The following BCL7C variants were observed in gnomAD, a reference collection of about 807,000 sequenced individuals.
The protein encoded by BCL7C is BAF chromatin remodeling complex subunit BCL7C.
Under a neutral mutation model 26.2 loss-of-function variants are expected in BCL7C, and 8 were observed. The ratio of observed to expected loss-of-function variants is 0.30; its 90% CI spans 0.18 to 0.55. BCL7C has a LOEUF of 0.55. BCL7C is among the 20% of genes least tolerant of loss of function. The probability of loss-of-function intolerance (pLI) is 0.93; values close to 1 mark genes in which losing one functional copy is unlikely to be tolerated. For synonymous variants in BCL7C, 90 were observed against 116.5 expected, an observed-to-expected ratio of 0.77 and a Z score of 1.47; for missense variants, 262 against 298.5, an observed-to-expected ratio of 0.88 and a Z score of 0.90.
chr16:30,879,700 A>AAAAACAAAAAAAAC (rs1555482423), intron 5 of BCL7C, among the ~76,000 whole-genome samples: 5 of 135,004 alleles, frequency 3.7e-5, no homozygotes, highest in Admixed American at 7.6e-5. Flanking sequence ...AAAAAAAAAA[A>AAAAACAAAAAAAAC]AAAAAAAAAC....
intron 5 of BCL7C, among the ~76,000 whole-genome samples, chr16:30,881,849 C>G (rs753469312): frequency 2.6e-5 from 4 of 152,226 alleles, no homozygotes; most frequent in Non-Finnish European, 4.4e-5. Flanking sequence ...AAATCACACC[C>G]TGCTCTCTCC....
chr16:30,882,808 A>G (rs1287569793), downstream of BCL7C, among the ~76,000 whole-genome samples: 1 of 152,214 alleles, frequency 6.6e-6, no homozygotes, highest in Non-Finnish European at 1.5e-5. Flanking sequence ...GCTGGCACCT[A>G]GTAAAGCAGT....
exon 6 of BCL7C, chr16:30,835,113 G>T: frequency 6.5e-7 from 1 of 1,532,288 alleles, no homozygotes; most frequent in Non-Finnish European, 8.8e-7. Context: ...GCCCCTTCTC[G>T]TGAAGGGCTC....
At chr16:30,879,689 C>CAAA (rs1187827463) in intron 5 of BCL7C, among the ~76,000 whole-genome samples, 395 of 29,396 alleles carry the variant, frequency 0.013, 45 homozygotes, top group African/African-American at 0.047. Context: ...CCCTTCTCTA[C>CAAA]AAAAAAAAAA....
chr16:30,849,050 G>A (rs186934580), intron 5 of BCL7C, among the ~76,000 whole-genome samples: 68 of 152,114 alleles, frequency 4.5e-4, no homozygotes, highest in African/African-American at 1.6e-3. Flanking sequence ...AACCAGGCGT[G>A]GTGGTGGGCG....
chr16:30,843,730 C>T (rs1428793597), intron 5 of BCL7C, among the ~76,000 whole-genome samples: 1 of 151,986 alleles, frequency 6.6e-6, no homozygotes, highest in Non-Finnish European at 1.5e-5. Context: ...TTCTCTCGCT[C>T]CAGTCCCTGC....
Position 30,893,337 on chromosome 16 carries a change from C to CA in BCL7C, c.93-48dup, listed in dbSNP as rs762322590. The CA allele has an allele frequency of 1.3e-6, 2 of 1,528,550 alleles. No homozygotes were observed. Among genetic ancestry groups the CA allele is most frequent in the Admixed American group, 3.5e-5 (2 of 56,598 alleles). 94.7% of individuals were successfully genotyped at this position (1,528,550 alleles called of 1,614,324 possible). ...GGTCAGAGAGGCCTGAGGGGAGACC[C>CA]ACCCCCCTAGGAGCTGGACACATCT... is the stretch of plus-strand genomic sequence containing the variant. On this transcript the variant is annotated intron_variant, in intron 1 of 5. Transcript: ENST00000215115. The surrounding 1 kb of genome is among the most constrained non-coding windows in gnomAD (Gnocchi z 5.2).
chr16:30,861,011 T>G (rs926099174), intron 5 of BCL7C, among the ~76,000 whole-genome samples: 3 of 152,102 alleles, frequency 2.0e-5, no homozygotes, highest in African/African-American at 7.2e-5. Context: ...AATTTCCTCT[T>G]AGAGAGGTGG....
chr16:30,861,170 G>A (rs904999182), intron 5 of BCL7C, among the ~76,000 whole-genome samples: 4 of 152,004 alleles, frequency 2.6e-5, no homozygotes, highest in African/African-American at 4.8e-5. Flanking sequence ...ACGCTCTACC[G>A]CCCTTTACTC....
chr16:30,881,828 G>A (rs1212698895), intron 5 of BCL7C, among the ~76,000 whole-genome samples: 2 of 152,078 alleles, frequency 1.3e-5, no homozygotes, highest in East Asian at 1.9e-4. Flanking sequence ...CCCCTGCCTC[G>A]CCCCCGCTTA....
chr16:30,881,802 C>G (rs2055047750), intron 5 of BCL7C, among the ~76,000 whole-genome samples: 1 of 152,178 alleles, frequency 6.6e-6, no homozygotes, highest in South Asian at 2.1e-4. Context: ...TTTCTTCAGC[C>G]TTTGCCTCAG....
chr16:30,860,954 C>T (rs756889187), intron 5 of BCL7C, among the ~76,000 whole-genome samples: 3 of 152,072 alleles, frequency 2.0e-5, no homozygotes, highest in Non-Finnish European at 4.4e-5. Context: ...ACACCCGGTC[C>T]GGCTTACAGT....
chr16:30,841,348 C>T (rs1045341182), intron 5 of BCL7C, among the ~76,000 whole-genome samples: 1 of 151,996 alleles, frequency 6.6e-6, no homozygotes, highest in Non-Finnish European at 1.5e-5. Flanking sequence ...TGTTGGGAGC[C>T]GAAAAGGCCA....
intron 5 of BCL7C, among the ~76,000 whole-genome samples, chr16:30,873,927 A>C (rs562689320): frequency 4.2e-5 from 1 of 23,848 alleles, no homozygotes; most frequent in South Asian, 6.8e-4. Flanking sequence ...TCCTCTCTCT[A>C]TATACATATA....
chr16:30,881,844 A>G (rs556404219), intron 5 of BCL7C, among the ~76,000 whole-genome samples: 10 of 151,666 alleles, frequency 6.6e-5, no homozygotes, highest in Admixed American at 4.6e-4. Context: ...GCTTAAAATC[A>G]CACCCTGCTC....
At chr16:30,849,863 A>AT (rs1372165567) in intron 5 of BCL7C, among the ~76,000 whole-genome samples, 2 of 149,550 alleles carry the variant, frequency 1.3e-5, no homozygotes, top group Non-Finnish European at 3.0e-5. Context: ...TAACTTTTGT[A>AT]TTTTTTATTG....
At chr16:30,871,883 C>T (rs1265269971) in intron 5 of BCL7C, among the ~76,000 whole-genome samples, 1 of 152,148 alleles carries the variant, frequency 6.6e-6, no homozygotes, top group East Asian at 1.9e-4. Flanking sequence ...GGACCCTAAT[C>T]ATCCTGTCTG....
At chr16:30,883,969 C>T (rs990839497), downstream of BCL7C, among the ~76,000 whole-genome samples, 1 of 150,514 alleles carries the variant, frequency 6.6e-6, no homozygotes, top group Non-Finnish European at 1.5e-5. Flanking sequence ...ACTAAAAATA[C>T]AAAAAATTAG....
intron 5 of BCL7C, among the ~76,000 whole-genome samples, chr16:30,870,731 T>C (rs1265385150): frequency 4.6e-5 from 7 of 152,072 alleles, no homozygotes; most frequent in Admixed American, 4.6e-4. Flanking sequence ...ATAGATAAAG[T>C]AGAGCCAGAG....
Sources: allele counts gnomAD v4.1 joint callset (sites outside exome capture counted in the v4.1 genomes callset), GRCh38; gene constraint gnomAD v4.1.1; non-coding constraint Gnocchi (gnomAD v3.1); transcripts MANE v1.5; gene names NCBI Gene and HGNC (gene_info 2026-07-23, HGNC 2026-07-21).